Variants in F13A1 observed in about 807,000 individuals in gnomAD.
F13A1 encodes the protein coagulation factor XIII A chain, also known as FSF, A subunit.
A neutral mutation model predicts 80.1 loss-of-function variants in F13A1; 47 were observed. That is an observed-to-expected ratio of 0.59 (90% CI 0.46 to 0.75). The LOEUF is 0.75. Ranked by LOEUF, F13A1 falls within the 30% of genes least tolerant of loss-of-function variation. F13A1 has a pLI of 0.00. For synonymous variants in F13A1, 349 were observed against 344.9 expected (o/e 1.01, Z -0.13); for missense variants, 817 against 930.4 (o/e 0.88, Z 1.59).
chr6:6,181,847 C>T, intron 11 of F13A1, 141 bp downstream of exon 11: 3 of 903,472 alleles, frequency 3.3e-6, no homozygotes, highest in Non-Finnish European at 1.8e-6. Flanking sequence ...GTGTCTTTCA[C>T]ACGTGAAAGT....
In F13A1 at chr6:6,259,380, A is replaced by G. The variant is rs116250431; in HGVS notation, c.571+7178T>C. Reference sequence around the variant, plus strand: ...AGGATGAATTTAATGATAAAATACAAGCAGGTCATATTTATTTATTTGCTG... The same window carrying G: ...AGGATGAATTTAATGATAAAATACAGGCAGGTCATATTTATTTATTTGCTG... On this transcript the variant is annotated intron_variant, in intron 4 of 14. Coordinates refer to ENST00000264870, the MANE Select transcript of F13A1 (RefSeq NM_000129.4). 8.5e-3 allele frequency among the ~76,000 whole-genome samples: 1,297 copies of G among 152,378 alleles called. 9 individuals carry two copies. Among genetic ancestry groups the G allele is most frequent in the Middle Eastern group, 0.014 (4 of 294 alleles).
At chr6:6,302,847 G>A (rs1201093857) in intron 3 of F13A1, among the ~76,000 whole-genome samples, 1 of 152,170 alleles carries the variant, frequency 6.6e-6, no homozygotes, top group Non-Finnish European at 1.5e-5. Context: ...GCACATAACT[G>A]TACATGGTTC....
chr6:6,180,281 G>A (rs1583058286), intron 11 of F13A1, among the ~76,000 whole-genome samples: 2 of 152,178 alleles, frequency 1.3e-5, no homozygotes, highest in Admixed American at 1.3e-4. Flanking sequence ...CCCAACTGCC[G>A]ATTCTTGGCT....
At chr6:6,257,247 G>A (rs1225295671) in intron 4 of F13A1, among the ~76,000 whole-genome samples, 1 of 152,150 alleles carries the variant, frequency 6.6e-6, no homozygotes, top group African/African-American at 2.4e-5. Context: ...TACATCAAAA[G>A]GGGTGGCAGA....
chr6:6,271,575 G>A (rs550781881), intron 3 of F13A1, among the ~76,000 whole-genome samples: 29 of 152,292 alleles, frequency 1.9e-4, no homozygotes, highest in African/African-American at 6.3e-4. Context: ...AAAAGACATC[G>A]GGAAAGACAG....
At chr6:6,305,911 T>C (rs777458064) in intron 2 of F13A1, among the ~76,000 whole-genome samples, 28 of 152,194 alleles carry the variant, frequency 1.8e-4, no homozygotes, top group Admixed American at 2.6e-4. Flanking sequence ...ATCATGTCAC[T>C]GCCTCACTCT....
intron 4 of F13A1, among the ~76,000 whole-genome samples, chr6:6,265,397 C>T (rs1056587925): frequency 6.6e-6 from 1 of 152,176 alleles, no homozygotes; most frequent in African/African-American, 2.4e-5. Context: ...GTCTCTCCCA[C>T]ATTGATGCTG....
chr6:6,307,127 G>A (rs556221779), intron 2 of F13A1, among the ~76,000 whole-genome samples: 6 of 152,190 alleles, frequency 3.9e-5, no homozygotes, highest in South Asian at 4.2e-4. Flanking sequence ...ATGAGATAAC[G>A]GTGCAGTGGG....
chr6:6,295,805 C>T, intron 3 of F13A1, among the ~76,000 whole-genome samples: 2 of 134,460 alleles, frequency 1.5e-5, no homozygotes, highest in African/African-American at 6.8e-5. Context: ...GTGTTTTAGA[C>T]ATGAAGTCCT....
At chr6:6,284,634 A>C (rs1758110767) in intron 3 of F13A1, among the ~76,000 whole-genome samples, 1 of 152,146 alleles carries the variant, frequency 6.6e-6, no homozygotes, top group Admixed American at 6.5e-5. Context: ...CTTGAAACTG[A>C]GTGGTGTCCA....
At chr6:6,304,426 A>G (rs569145006) in intron 3 of F13A1, among the ~76,000 whole-genome samples, 1 of 152,292 alleles carries the variant, frequency 6.6e-6, no homozygotes, top group South Asian at 2.1e-4. Flanking sequence ...TCCTATAGAA[A>G]TGTTTACCAA....
intron 4 of F13A1, among the ~76,000 whole-genome samples, chr6:6,260,908 G>A (rs926887296): frequency 6.6e-6 from 1 of 152,156 alleles, no homozygotes; most frequent in African/African-American, 2.4e-5. Flanking sequence ...TAGGTTCAGG[G>A]TAGAGCCAGT....
chr6:6,168,464 G>A (rs1053784726), intron 12 of F13A1, among the ~76,000 whole-genome samples: 3 of 152,150 alleles, frequency 2.0e-5, no homozygotes, highest in African/African-American at 7.2e-5. Flanking sequence ...CAGTTTTTCT[G>A]TAGGCTGAGC....
chr6:6,242,342 T>G (rs1222881835), intron 6 of F13A1, among the ~76,000 whole-genome samples: 1 of 152,184 alleles, frequency 6.6e-6, no homozygotes, highest in Non-Finnish European at 1.5e-5. Context: ...AGTTTAGTCA[T>G]GAGTTAGTTC....
intron 6 of F13A1, among the ~76,000 whole-genome samples, chr6:6,244,315 A>G (rs910368320): frequency 6.6e-6 from 1 of 152,222 alleles, no homozygotes; most frequent in African/African-American, 2.4e-5. Flanking sequence ...TAAAGGGAGA[A>G]GTATAACTGT....
At chr6:6,307,443 C>T (rs781368460) in intron 2 of F13A1, among the ~76,000 whole-genome samples, 6 of 152,162 alleles carry the variant, frequency 3.9e-5, no homozygotes, top group East Asian at 1.9e-4. Flanking sequence ...CCACAATCCC[C>T]GTGATAAACC....
At chr6:6,249,761 A>G in intron 5 of F13A1, among the ~76,000 whole-genome samples, 1 of 152,208 alleles carries the variant, frequency 6.6e-6, no homozygotes, top group Admixed American at 6.5e-5. Flanking sequence ...AGTATAGTCA[A>G]AGGTTGCATG....
chr6:6,167,237 C>T (rs1295216739), intron 13 of F13A1, among the ~76,000 whole-genome samples: 1 of 151,878 alleles, frequency 6.6e-6, no homozygotes, highest in African/African-American at 2.4e-5. Flanking sequence ...ATATTTAAAT[C>T]TGGAGAGGAG....
intron 3 of F13A1, among the ~76,000 whole-genome samples, chr6:6,270,718 A>G (rs1359121565): frequency 6.6e-6 from 1 of 152,174 alleles, no homozygotes; most frequent in Non-Finnish European, 1.5e-5. Context: ...CTGTGGAGGA[A>G]GGTGGAGAAT....
Sources: gnomAD v4.1 joint callset for allele counts (sites outside exome capture counted in the v4.1 genomes callset) on GRCh38, gnomAD v4.1.1 for gene constraint, MANE v1.5 for transcripts, NCBI Gene and HGNC (gene_info 2026-07-23, HGNC 2026-07-21) for gene names.